Variants in NCOA2 observed in about 807,000 individuals in gnomAD.
NCOA2 encodes the protein class E basic helix-loop-helix protein 75.
NCOA2 carries 21 observed loss-of-function variants against 145.1 expected under a neutral mutation model. The observed-to-expected ratio is 0.14, with a 90% CI of 0.10 to 0.21. The LOEUF is 0.21. Among genes scored for constraint, NCOA2 ranks in the 10% least tolerant of loss-of-function variants. NCOA2 has a pLI of 1.00. For synonymous variants in NCOA2, 619 were observed against 637.5 expected (o/e 0.97, Z 0.44); for missense variants, 1,472 against 1,837.6 (o/e 0.80, Z 3.64).
At chr8:70,171,612 C>A (rs759093008) in intron 5 of NCOA2, among the ~76,000 whole-genome samples, 30 of 152,158 alleles carry the variant, frequency 2.0e-4, no homozygotes, top group Non-Finnish European at 4.3e-4. Flanking sequence ...TTCATCATAC[C>A]TGGGACCAGG....
intron 2 of NCOA2, among the ~76,000 whole-genome samples, chr8:70,289,959 T>C (rs1045226282): frequency 6.6e-6 from 1 of 152,124 alleles, no homozygotes; most frequent in Non-Finnish European, 1.5e-5. Flanking sequence ...TCAAGGCTCC[T>C]GAGTAGCTGG....
At chr8:70,261,180 T>C (rs976532469) in intron 2 of NCOA2, among the ~76,000 whole-genome samples, 14 of 152,162 alleles carry the variant, frequency 9.2e-5, no homozygotes, top group Non-Finnish European at 2.1e-4. Context: ...CTATTCTCAA[T>C]AGCAAAGACT....
chr8:70,110,657 T>G lies in NCOA2; in HGVS notation c.*2975A>C, dbSNP rs1290870356. On this transcript the variant is annotated 3_prime_UTR_variant, in exon 23 of 23. Transcript: ENST00000452400. ...TTTCATGTGTTAAGCCCATATGAAC[T>G]CCATTTTTGAACACAGATTAAAAAT... The G allele has an allele frequency of 4.7e-6, 1 of 213,000 alleles. No individual in the cohort carries two copies. The highest frequency in any genetic ancestry group is 9.5e-6 in the Non-Finnish European group (1 of 105,330). The allele number at this position is 213,000 out of a possible 1,614,324, so 13.2% of individuals were successfully genotyped here. A position where few individuals can be genotyped will look rare whatever the true frequency, so the allele number is the denominator to read the frequency against.
intron 1 of NCOA2, among the ~76,000 whole-genome samples, chr8:70,398,869 T>C (rs75137497): frequency 0.084 from 12,785 of 152,256 alleles, 612 homozygotes; most frequent in East Asian, 0.13. Context: ...TGGTCATTGA[T>C]CAACATTTCA....
chr8:70,385,959 C>A (rs538137701), intron 1 of NCOA2, among the ~76,000 whole-genome samples: 2 of 152,178 alleles, frequency 1.3e-5, no homozygotes, highest in Non-Finnish European at 2.9e-5. Flanking sequence ...CTTTAGTGCA[C>A]GGTTTTCTTC....
intron 2 of NCOA2, among the ~76,000 whole-genome samples, chr8:70,241,321 T>G (rs963819982): frequency 5.3e-5 from 8 of 152,302 alleles, no homozygotes; most frequent in African/African-American, 1.7e-4. Context: ...TGGCAATTCA[T>G]AGTCACTCTG....
At chr8:70,207,223 T>C in intron 4 of NCOA2, among the ~76,000 whole-genome samples, 1 of 152,238 alleles carries the variant, frequency 6.6e-6, no homozygotes, top group East Asian at 1.9e-4. Flanking sequence ...AGAATTAATT[T>C]CTTTTCATAC....
intron 4 of NCOA2, among the ~76,000 whole-genome samples, chr8:70,178,284 A>C (rs1267498549): frequency 6.6e-6 from 1 of 152,238 alleles, no homozygotes; most frequent in Non-Finnish European, 1.5e-5. Context: ...AGGGCCTACA[A>C]TTTAAATTGG....
intron 2 of NCOA2, among the ~76,000 whole-genome samples, chr8:70,235,487 G>A (rs1821512647): frequency 6.6e-6 from 1 of 152,108 alleles, no homozygotes; most frequent in South Asian, 2.1e-4. Context: ...AAACATCCAA[G>A]ATAACCAGGT....
intron 1 of NCOA2, among the ~76,000 whole-genome samples, chr8:70,384,377 T>G (rs1363781689): frequency 6.6e-6 from 1 of 152,184 alleles, no homozygotes; most frequent in Admixed American, 6.5e-5. Flanking sequence ...TCTGAACTAG[T>G]CAAAAATAAC....
chr8:70,151,563 C>T (rs185706657), intron 11 of NCOA2, among the ~76,000 whole-genome samples: 10 of 152,288 alleles, frequency 6.6e-5, no homozygotes, highest in Admixed American at 4.6e-4. Flanking sequence ...GTTGGGATTA[C>T]AGGTGTGAGC....
chr8:70,250,428 C>T (rs933921601), intron 2 of NCOA2, among the ~76,000 whole-genome samples: 3 of 144,424 alleles, frequency 2.1e-5, no homozygotes, highest in East Asian at 2.0e-4. Flanking sequence ...AAAAGTCAGC[C>T]GAGCGTGGTG....
intron 14 of NCOA2, 35 bp from the exon 15 acceptor site, chr8:70,138,367 A>T (rs1229542526): frequency 1.3e-6 from 2 of 1,557,302 alleles, no homozygotes; most frequent in Non-Finnish European, 1.7e-6. Context: ...TTACATCTTT[A>T]ATCAAGGAAG....
chr8:70,398,738 G>A (rs1347676705), intron 1 of NCOA2, among the ~76,000 whole-genome samples: 3 of 152,082 alleles, frequency 2.0e-5, no homozygotes, highest in Admixed American at 2.0e-4. Context: ...ACCACCATAG[G>A]TTCCCTTGTC....
At chr8:70,451,229 A>ATATATATATATATATATATATATATAT in the NCOA2 span, among the ~76,000 whole-genome samples, 1 of 114,184 alleles carries the variant, frequency 8.8e-6, no homozygotes, top group African/African-American at 3.8e-5. Flanking sequence ...AAAAAAAAAA[A>ATATATATATATATATATATATATATAT]AAAAAAAAAT....
intron 4 of NCOA2, among the ~76,000 whole-genome samples, chr8:70,183,712 G>T (rs1485424737): frequency 1.3e-5 from 2 of 152,190 alleles, no homozygotes; most frequent in Non-Finnish European, 2.9e-5. Flanking sequence ...TGTCAACGAA[G>T]TTAGGCCCCT....
chr8:70,429,838 C>T, the NCOA2 span, among the ~76,000 whole-genome samples: 9 of 152,114 alleles, frequency 5.9e-5, no homozygotes, highest in South Asian at 1.5e-3. Flanking sequence ...AGTTAAAGGA[C>T]CTTTGCTTTT....
intron 21 of NCOA2, among the ~76,000 whole-genome samples, chr8:70,122,640 A>G (rs1807950902): frequency 6.6e-6 from 1 of 152,234 alleles, no homozygotes; most frequent in Non-Finnish European, 1.5e-5. Context: ...AGTGTAAGTT[A>G]TTACTACAAG....
chr8:70,288,997 T>C (rs752714321), intron 2 of NCOA2, among the ~76,000 whole-genome samples: 1 of 152,240 alleles, frequency 6.6e-6, no homozygotes, highest in Admixed American at 6.5e-5. Flanking sequence ...TACTGTTTTA[T>C]ATTAATAAGA....
Sources: allele counts gnomAD v4.1 joint callset (sites outside exome capture counted in the v4.1 genomes callset), GRCh38; gene constraint gnomAD v4.1.1; transcripts MANE v1.5; gene names NCBI Gene and HGNC (gene_info 2026-07-23, HGNC 2026-07-21).